Variants in EFHC2 observed in about 807,000 individuals in gnomAD.
The protein encoded by EFHC2 is EF-hand domain-containing family member C2.
Under a neutral mutation model 52.7 loss-of-function variants are expected in EFHC2, and 18 were observed. The ratio of observed to expected loss-of-function variants is 0.34; its 90% CI spans 0.24 to 0.51. EFHC2 has a LOEUF of 0.51. Ranked by LOEUF, EFHC2 falls within the 20% of genes least tolerant of loss-of-function variation. EFHC2 has a pLI of 0.97. For synonymous variants in EFHC2, 203 were observed against 204.1 expected (o/e 0.99, Z 0.04); for missense variants, 513 against 562.5 (o/e 0.91, Z 0.89).
intron 12 of EFHC2, among the ~76,000 whole-genome samples, chrX:44,176,923 T>A (rs374050030): frequency 8.9e-6 from 1 of 112,286 alleles, no homozygotes. Context: ...TTTTCTCCAG[T>A]CTTATGGGGG....
At chrX:44,297,725 T>C (rs1470666088) in intron 2 of EFHC2, among the ~76,000 whole-genome samples, 1 of 77,178 alleles carries the variant, frequency 1.3e-5, no homozygotes, top group African/African-American at 5.6e-5. Flanking sequence ...CGAGACTCCA[T>C]CTCAAAAAAA....
At chrX:44,275,895 T>G (rs1272751600) in intron 2 of EFHC2, among the ~76,000 whole-genome samples, 3 of 98,487 alleles carry the variant, frequency 3.0e-5, no homozygotes, top group Non-Finnish European at 6.1e-5. Flanking sequence ...GCCTGGGTGA[T>G]AGAGTGAGAC....
chrX:44,267,451 C>A (rs1356974125), intron 3 of EFHC2, among the ~76,000 whole-genome samples: 1 of 111,496 alleles, frequency 9.0e-6, no homozygotes, highest in Admixed American at 9.6e-5. Flanking sequence ...GCATGAATGC[C>A]TATTTTGGTA....
rs776513079 is a variant in EFHC2, at chrX:44,232,393, A to C, written c.1620+88T>G. On this transcript the variant is annotated intron_variant, in intron 10 of 14. Transcript: ENST00000420999. ...AATGCACAATGTACAACTGGTGGCA[A>C]GATGAAGAAGAAAAGGCCCTAGAGA... The C allele has an allele frequency of 1.4e-5, 10 of 699,649 alleles. No homozygotes were observed. In the East Asian group the frequency reaches 3.8e-4, roughly 27 times the overall value. 57.7% of individuals were successfully genotyped at this position (699,649 alleles called of 1,213,427 possible).
intron 14 of EFHC2, among the ~76,000 whole-genome samples, chrX:44,153,866 C>A (rs1227735387): frequency 8.9e-6 from 1 of 112,154 alleles, no homozygotes; most frequent in Non-Finnish European, 1.9e-5. Context: ...AAAATACTGT[C>A]TTCATTGACT....
At chrX:44,319,404 C>T (rs762618055) in intron 1 of EFHC2, among the ~76,000 whole-genome samples, 20 of 111,613 alleles carry the variant, frequency 1.8e-4, no homozygotes, top group Non-Finnish European at 3.6e-4. Context: ...CCAACCCTTG[C>T]GCTGTCTCTG....
chrX:44,240,360 AAC>A (rs1183127531), intron 8 of EFHC2, among the ~76,000 whole-genome samples: 5 of 111,899 alleles, frequency 4.5e-5, no homozygotes, highest in Non-Finnish European at 9.4e-5. Flanking sequence ...ACATGAAAAG[AAC>A]ATGGAATACC....
chrX:44,290,507 C>A (rs2037785393), intron 2 of EFHC2, among the ~76,000 whole-genome samples: 1 of 85,785 alleles, frequency 1.2e-5, no homozygotes, highest in African/African-American at 4.7e-5. Context: ...TTTCAGAAAC[C>A]TTAAGTTTCT....
intron 13 of EFHC2, among the ~76,000 whole-genome samples, chrX:44,170,023 G>A (rs1003430061): frequency 3.6e-5 from 4 of 111,711 alleles, no homozygotes; most frequent in African/African-American, 1.3e-4. Flanking sequence ...GGGTGGAGAA[G>A]AATGTGGCCA....
chrX:44,299,791 T>C (rs2037855132), intron 2 of EFHC2, among the ~76,000 whole-genome samples: 1 of 111,828 alleles, frequency 8.9e-6, no homozygotes, highest in Non-Finnish European at 1.9e-5. Flanking sequence ...TGCATTTTTG[T>C]TCTTGTTTTA....
chrX:44,181,106 A>G lies in EFHC2; in HGVS notation c.1752-2542T>C, dbSNP rs148577868. 8.4e-4 allele frequency among the ~76,000 whole-genome samples: 93 copies of G among 110,958 alleles called. 1 individual carries two copies. In the East Asian group the frequency reaches 0.021, roughly 25 times the overall value. On this transcript the variant is annotated intron_variant, in intron 11 of 14. Transcript: ENST00000420999. ...AAAGACCCCATCTCTAAAAAAAGAAAAGTATGGTATTGATTGATATTTATT... is the reference window on the plus strand; with the variant it reads ...AAAGACCCCATCTCTAAAAAAAGAAGAGTATGGTATTGATTGATATTTATT...
chrX:44,343,304 G>A lies in EFHC2; in HGVS notation c.42+243C>T, dbSNP rs1434336627. On this transcript the variant is annotated intron_variant, in intron 1 of 14. Coordinates refer to ENST00000420999, the MANE Select transcript of EFHC2 (RefSeq NM_025184.4). The stretch of plus-strand genomic sequence containing the variant: ...CCAATGGTTATCGTCACTATTATTT[G>A]TTACCTTTGAGGGTCCTGCCACCTA... 2.7e-5 allele frequency among the ~76,000 whole-genome samples: 3 copies of A among 112,145 alleles called. No individual in the cohort carries two copies. The East Asian group carries it at 8.4e-4, about 31-fold the overall frequency.
intron 8 of EFHC2, among the ~76,000 whole-genome samples, chrX:44,240,103 G>A (rs368994870): frequency 1.8e-5 from 2 of 111,823 alleles, no homozygotes; most frequent in South Asian, 7.3e-4. Context: ...CAGTTTATTT[G>A]TATTTTAAAA....
chrX:44,162,950 A>G (rs892100032), intron 14 of EFHC2, among the ~76,000 whole-genome samples: 4 of 112,098 alleles, frequency 3.6e-5, no homozygotes, highest in African/African-American at 1.3e-4. Flanking sequence ...ATGAGAGTCA[A>G]TACTTAATCC....
chrX:44,215,264 T>C (rs2037135501), intron 11 of EFHC2, among the ~76,000 whole-genome samples: 1 of 111,364 alleles, frequency 9.0e-6, no homozygotes, highest in Non-Finnish European at 1.9e-5. Context: ...CTCGGGTAGT[T>C]ATTCATAGCA....
At chrX:44,301,154 A>T (rs1454642360) in intron 2 of EFHC2, among the ~76,000 whole-genome samples, 1 of 108,153 alleles carries the variant, frequency 9.2e-6, no homozygotes, top group Non-Finnish European at 1.9e-5. Flanking sequence ...AGTGCTTGAG[A>T]TATTTTGCAG....
chrX:44,184,868 C>T (rs1312005383), intron 11 of EFHC2, among the ~76,000 whole-genome samples: 6 of 110,937 alleles, frequency 5.4e-5, no homozygotes, highest in South Asian at 7.7e-4. Flanking sequence ...CTTTATCTCC[C>T]TCCCACCCCC....
At chrX:44,341,816 T>C (rs956461443) in intron 1 of EFHC2, among the ~76,000 whole-genome samples, 5 of 112,503 alleles carry the variant, frequency 4.4e-5, no homozygotes, top group African/African-American at 9.7e-5. Flanking sequence ...ATATGTGTTG[T>C]ACTTCATGAT....
intron 11 of EFHC2, among the ~76,000 whole-genome samples, chrX:44,217,691 G>C (rs755557013): frequency 2.1e-4 from 23 of 110,964 alleles, no homozygotes; most frequent in Non-Finnish European, 3.6e-4. Flanking sequence ...TTATCAGAGA[G>C]GCTAGAAAGG....
Sources: gnomAD v4.1 joint callset for allele counts (sites outside exome capture counted in the v4.1 genomes callset) on GRCh38, gnomAD v4.1.1 for gene constraint, MANE v1.5 for transcripts, NCBI Gene and HGNC (gene_info 2026-07-23, HGNC 2026-07-21) for gene names.